ZNF516: variants seen among roughly 807,000 people sequenced by gnomAD.
ZNF516 encodes zinc finger protein 516.
Under a neutral mutation model 79.7 loss-of-function variants are expected in ZNF516, and 19 were observed. The ratio of observed to expected loss-of-function variants is 0.24; its 90% CI spans 0.17 to 0.35. ZNF516 has a LOEUF of 0.35. ZNF516 is among the 10% of genes least tolerant of loss of function. The pLI, the probability that ZNF516 is intolerant of heterozygous loss-of-function variation, is 1.00. For synonymous variants in ZNF516, 877 were observed against 739.5 expected, an observed-to-expected ratio of 1.19 and a Z score of -3.02; for missense variants, 1,678 against 1,679.5, an observed-to-expected ratio of 1.00 and a Z score of 0.02.
At chr18:76,481,253 T>C (rs528955512) in intron 1 of ZNF516, among the ~76,000 whole-genome samples, 3 of 152,206 alleles carry the variant, frequency 2.0e-5, no homozygotes, top group Non-Finnish European at 4.4e-5. Context: ...CTCTTAAGTT[T>C]CTCATTTGTG....
chr18:76,396,215 T>G (rs2075144472), intron 3 of ZNF516, among the ~76,000 whole-genome samples: 1 of 152,156 alleles, frequency 6.6e-6, no homozygotes, highest in African/African-American at 2.4e-5. Flanking sequence ...TTCCCTCTTA[T>G]TTAAAAAGAA....
intron 3 of ZNF516, among the ~76,000 whole-genome samples, chr18:76,410,628 T>C (rs2075363220): frequency 6.6e-6 from 1 of 152,244 alleles, no homozygotes; most frequent in African/African-American, 2.4e-5. Context: ...TTTAAAAATT[T>C]CAATTTGTTT....
chr18:76,489,242 G>T (rs751821666), intron 1 of ZNF516, among the ~76,000 whole-genome samples: 2 of 152,148 alleles, frequency 1.3e-5, no homozygotes, highest in Admixed American at 1.3e-4. Context: ...ACTGAGTACT[G>T]GTTTTTCAAG....
chr18:76,385,069 G>A (rs142817024), intron 3 of ZNF516, among the ~76,000 whole-genome samples: 102 of 152,320 alleles, frequency 6.7e-4, no homozygotes, highest in Non-Finnish European at 1.0e-3. Flanking sequence ...GGAGGCAGCC[G>A]GGTCCGAGCA....
At chr18:76,436,854 G>A (rs2075745248) in intron 3 of ZNF516, among the ~76,000 whole-genome samples, 1 of 151,992 alleles carries the variant, frequency 6.6e-6, no homozygotes, top group African/African-American at 2.4e-5. Context: ...GATTGCTTGA[G>A]ACCAGGAGTT....
At chr18:76,440,742 T>TG (rs1555711267) in intron 3 of ZNF516, among the ~76,000 whole-genome samples, 2 of 149,940 alleles carry the variant, frequency 1.3e-5, no homozygotes, top group African/African-American at 4.9e-5. Flanking sequence ...GTGTGTGTGT[T>TG]TGTGTGTGTG....
intron 3 of ZNF516, among the ~76,000 whole-genome samples, chr18:76,428,392 CAAAAA>C (rs10552608): frequency 1.0e-4 from 14 of 136,536 alleles, no homozygotes; most frequent in Non-Finnish European, 1.6e-4. Flanking sequence ...GATTCTGTCT[CAAAAA>C]AAAAAAAAAA....
intron 2 of ZNF516, among the ~76,000 whole-genome samples, chr18:76,462,097 T>C (rs1398104175): frequency 1.3e-5 from 2 of 152,222 alleles, no homozygotes; most frequent in African/African-American, 4.8e-5. Context: ...TACCTTTTTT[T>C]CAAAGTGTTT....
At chr18:76,377,184 C>A (rs1407431654) in intron 4 of ZNF516, among the ~76,000 whole-genome samples, 1 of 152,260 alleles carries the variant, frequency 6.6e-6, no homozygotes, top group Non-Finnish European at 1.5e-5. Flanking sequence ...CAGGTTACAC[C>A]GTCCACCCAG....
Position 76,459,844 on chromosome 18 carries a change from C to T in ZNF516, c.-158+3184G>A, listed in dbSNP as rs1016088836. ...GCAGGCAGGCTAAGAACAGGCGATC[C>T]GGCAGGCACAAGAAGGAACATACTG... On this transcript the variant is annotated intron_variant, in intron 2 of 6. Transcript: ENST00000443185. The surrounding 1 kb of genome is among the most constrained non-coding windows in gnomAD (Gnocchi z 5.0). Among the ~76,000 whole-genome samples the T allele has an allele frequency of 8.5e-5, 13 of 152,130 alleles. No homozygotes were observed. Among genetic ancestry groups the T allele is most frequent in the African/African-American group, 2.7e-4 (11 of 41,432 alleles).
intron 2 of ZNF516, among the ~76,000 whole-genome samples, chr18:76,460,603 G>A (rs1489603199): frequency 6.6e-6 from 1 of 152,166 alleles, no homozygotes; most frequent in Non-Finnish European, 1.5e-5. Flanking sequence ...CTGGGAGGAA[G>A]GTGGCTGATC....
chr18:76,420,678 A>G (rs2075494886), intron 3 of ZNF516, among the ~76,000 whole-genome samples: 1 of 152,096 alleles, frequency 6.6e-6, no homozygotes, highest in Non-Finnish European at 1.5e-5. Flanking sequence ...CCAAGCCTCT[A>G]TTTCACCTTG....
At chr18:76,404,772 CA>C (rs1411075289) in intron 3 of ZNF516, among the ~76,000 whole-genome samples, 3 of 151,634 alleles carry the variant, frequency 2.0e-5, no homozygotes, top group Admixed American at 6.6e-5. Flanking sequence ...CATCTTTGAG[CA>C]TGAGTACATG....
chr18:76,476,863 G>A (rs532036720), intron 1 of ZNF516, among the ~76,000 whole-genome samples: 2 of 152,256 alleles, frequency 1.3e-5, no homozygotes, highest in East Asian at 1.9e-4. Flanking sequence ...GATGTATGCC[G>A]GTGCGGGGTG....
At position 76,379,227 on chromosome 18, in the gene ZNF516, C is replaced by A; in HGVS notation, c.2887G>T (p.Ala963Ser). Residue 963 changes from alanine to serine, a missense_variant, in exon 4 of 7, where the codon GCC (alanine) becomes TCC (serine). Around this residue, in one of 5 missense-constraint regions of ZNF516, gnomAD observed 1,294 missense variants for 1,248.3 expected, o/e 1.04. Coordinates refer to ENST00000443185, the MANE Select transcript of ZNF516 (RefSeq NM_014643.4). ...FGVPPAGAGF[A>S]PTNKHSAPDS... ...GGGGCACTGTGCTTATTTGTGGGGG[C>A]AAAGCCAGCCCCCGCTGGGGGGACC... is the stretch of plus-strand genomic sequence containing the variant. The A allele has an allele frequency of 6.2e-7, 1 of 1,612,794 alleles. No individual in the cohort carries two copies. The highest frequency in any genetic ancestry group is 8.5e-7 in the Non-Finnish European group (1 of 1,179,720).
chr18:76,406,570 A>G (rs1328252445), intron 3 of ZNF516, among the ~76,000 whole-genome samples: 1 of 152,142 alleles, frequency 6.6e-6, no homozygotes, highest in Non-Finnish European at 1.5e-5. Context: ...TCTAAAAAGA[A>G]AAACAAAACA....
At chr18:76,436,424 G>A (rs2075735927) in intron 3 of ZNF516, among the ~76,000 whole-genome samples, 1 of 152,040 alleles carries the variant, frequency 6.6e-6, no homozygotes, top group Admixed American at 6.5e-5. Flanking sequence ...GAATCGTTTT[G>A]AGCCTCTCGT....
chr18:76,421,412 C>A (rs1241821320), intron 3 of ZNF516, among the ~76,000 whole-genome samples: 1 of 152,164 alleles, frequency 6.6e-6, no homozygotes, highest in Non-Finnish European at 1.5e-5. Context: ...AGGAACAAGT[C>A]CCACGTCCTA....
chr18:76,470,697 G>C (rs181323843), intron 1 of ZNF516, among the ~76,000 whole-genome samples: 59 of 152,292 alleles, frequency 3.9e-4, no homozygotes, highest in African/African-American at 1.3e-3. Flanking sequence ...CCTACATACT[G>C]TAAGGCTTGC....
Sources: allele counts gnomAD v4.1 joint callset (sites outside exome capture counted in the v4.1 genomes callset), GRCh38; gene constraint gnomAD v4.1.1; regional missense constraint gnomAD v4.1.1; non-coding constraint Gnocchi (gnomAD v3.1); transcripts MANE v1.5; gene names NCBI Gene and HGNC (gene_info 2026-07-23, HGNC 2026-07-21).